Variants in MYL3 observed in about 807,000 individuals in gnomAD.
MYL3 encodes the protein myosin light chain 3, also known as CMLC1.
In MYL3, 11 loss-of-function variants were observed where a neutral mutation model predicts 21.3. The observed-to-expected ratio is 0.52, with a 90% CI of 0.32 to 0.85. The LOEUF (loss-of-function observed/expected upper bound fraction) is 0.85, where lower values mean the gene tolerates loss of function less well. Ranked by LOEUF, MYL3 falls within the 40% of genes least tolerant of loss-of-function variation. The pLI, the probability that MYL3 is intolerant of heterozygous loss-of-function variation, is 0.03. For synonymous variants in MYL3, 88 were observed against 91.6 expected (o/e 0.96, Z 0.22); for missense variants, 206 against 253.3 (o/e 0.81, Z 1.27).
chr3:46,869,159 C>T (rs1375786086), intron 1 of MYL3, among the ~76,000 whole-genome samples: 3 of 152,184 alleles, frequency 2.0e-5, no homozygotes, highest in Non-Finnish European at 4.4e-5. Flanking sequence ...CTGAACTGCC[C>T]TGGACATTCC....
intron 1 of MYL3, among the ~76,000 whole-genome samples, chr3:46,868,909 G>A (rs1434813332): frequency 6.6e-6 from 1 of 152,212 alleles, no homozygotes; most frequent in South Asian, 2.1e-4. Flanking sequence ...ATGGAGTCTC[G>A]GGCTGCCAAG....
At position 46,863,292 on chromosome 3, in the gene MYL3, C is replaced by T. The variant is rs774688582; in HGVS notation, c.99G>A (p.Lys33=). The T allele has an allele frequency of 3.7e-6, 6 of 1,614,058 alleles. No individual in the cohort carries two copies. The African/African-American group carries it at 6.7e-5, about 18-fold the overall frequency. Residue 33 remains lysine, a synonymous_variant, in exon 1 of 7, where the codon AAG becomes AAA. Coordinates refer to ENST00000292327, the MANE Select transcript of MYL3 (RefSeq NM_000258.3). The stretch of plus-strand genomic sequence containing the variant: ...TCTTGGAAGCATCAAACTCGACCTC[C>T]TTAGGGCGCTCAGGCTCAGGGGGAG... ...PAPPPEPERP[K]EVEFDASKIK... is the part of the protein sequence containing the mutation.
At chr3:46,878,587 T>A (rs1350043636) in intron 1 of MYL3, among the ~76,000 whole-genome samples, 1 of 152,186 alleles carries the variant, frequency 6.6e-6, no homozygotes, top group East Asian at 1.9e-4. Flanking sequence ...TGTGAGCCAT[T>A]AGTCCCAGAG....
chr3:46,868,724 C>G (rs1187705100), intron 1 of MYL3, among the ~76,000 whole-genome samples: 1 of 152,208 alleles, frequency 6.6e-6, no homozygotes, highest in Non-Finnish European at 1.5e-5. Context: ...AGGCTTGGTC[C>G]ATTCTGGAAG....
rs573030660 is a variant in MYL3 at position 46,879,547 on chromosome 3, A to G, written c.-218+2527T>C. ...TGCTTGAGCCCAAGAGTTGGAGACC[A>G]GTCTAGGCAACAAAGTGAGACCTCG... is the stretch of plus-strand genomic sequence containing the variant. On this transcript the variant is annotated intron_variant, in intron 1 of 3. Coordinates refer to the MYL3 transcript ENST00000431168. This position sits in a 1 kb window ranked among gnomAD's most constrained non-coding sequence, Gnocchi z 4.7. 6.6e-6 allele frequency among the ~76,000 whole-genome samples: 1 copy of G among 152,030 alleles called. No homozygotes were observed. The highest frequency in any genetic ancestry group is 1.5e-5 in the Non-Finnish European group (1 of 67,978).
Position 46,861,605 on chromosome 3 carries a change from GT to G in MYL3, c.130-619del, listed in dbSNP as rs1559520609. On this transcript the variant is annotated intron_variant, in intron 1 of 6. Transcript: ENST00000292327. The surrounding 1 kb of genome is among the most constrained non-coding windows in gnomAD (Gnocchi z 4.2). ...TACCTATTTCTCACACACCCTGTCCGTAGGTCCCTGGGAAGCTCCCACACCC... is the reference window on the plus strand; with the variant it reads ...TACCTATTTCTCACACACCCTGTCCGAGGTCCCTGGGAAGCTCCCACACCC... Among the ~76,000 whole-genome samples the G allele has an allele frequency of 1.3e-5, 2 of 152,162 alleles. No homozygotes were observed. Among genetic ancestry groups the G allele is most frequent in the African/African-American group, 2.4e-5 (1 of 41,432 alleles).
At chr3:46,871,111 GCAC>G (rs1702105197) in intron 1 of MYL3, among the ~76,000 whole-genome samples, 1 of 152,124 alleles carries the variant, frequency 6.6e-6, no homozygotes, top group Non-Finnish European at 1.5e-5. Flanking sequence ...TACACCTAAT[GCAC>G]CACATCTTTT....
rs1701979658 is a variant in MYL3, at chr3:46,860,567, T to C, written c.307+109A>G. 2.0e-6 allele frequency: 3 copies of C among 1,485,752 alleles called. No individual in the cohort carries two copies. The highest frequency in any genetic ancestry group is 2.4e-5 in the East Asian group (1 of 41,938). The allele number at this position is 1,485,752 out of a possible 1,614,324, so 92.0% of individuals were successfully genotyped here. A position where few individuals can be genotyped will look rare whatever the true frequency, so the allele number is the denominator to read the frequency against. On this transcript the variant is annotated intron_variant, in intron 3 of 6. Coordinates refer to ENST00000292327, the MANE Select transcript of MYL3 (RefSeq NM_000258.3). This position sits in a 1 kb window ranked among gnomAD's most constrained non-coding sequence, Gnocchi z 4.6. The stretch of plus-strand genomic sequence containing the variant: ...GGCCTCGGTGCCCTCATCGGGACAA[T>C]GCGAGATGTCAGGAAAGATTCTCGT...
At chr3:46,864,704 T>G (rs2106916453), upstream of MYL3, among the ~76,000 whole-genome samples, 1 of 152,286 alleles carries the variant, frequency 6.6e-6, no homozygotes, top group South Asian at 2.1e-4. This position sits in a 1 kb window ranked among gnomAD's most constrained non-coding sequence, Gnocchi z 4.7. Context: ...TCTGCCCCAG[T>G]GCAGTGATGC....
intron 1 of MYL3, among the ~76,000 whole-genome samples, chr3:46,880,898 T>G (rs2030516049): frequency 6.6e-6 from 1 of 152,204 alleles, no homozygotes; most frequent in African/African-American, 2.4e-5. Context: ...AGATTTGCAC[T>G]GAGGGTTGGA....
At chr3:46,869,127 C>A (rs770899799) in intron 1 of MYL3, among the ~76,000 whole-genome samples, 21 of 152,154 alleles carry the variant, frequency 1.4e-4, no homozygotes, top group Non-Finnish European at 2.2e-4. Context: ...CCCCTCCCCC[C>A]ACAGCATGGC....
upstream of MYL3, chr3:46,863,477 C>T (rs1702014073): frequency 2.1e-6 from 3 of 1,454,084 alleles, no homozygotes; most frequent in Admixed American, 1.9e-5. Context: ...CTTTATCCTG[C>T]CCGGATACCT....
At chr3:46,868,223 C>T (rs996611571), upstream of MYL3, among the ~76,000 whole-genome samples, 8 of 152,328 alleles carry the variant, frequency 5.3e-5, no homozygotes, top group African/African-American at 1.9e-4. Flanking sequence ...ACTCCCTATG[C>T]TCCTGTGACC....
intron 1 of MYL3, among the ~76,000 whole-genome samples, chr3:46,878,183 AG>A (rs2030344925): frequency 3.3e-5 from 5 of 152,194 alleles, no homozygotes; most frequent in African/African-American, 1.2e-4. Context: ...CTGCAAGGGA[AG>A]GGGGCTACCC....
intron 1 of MYL3, among the ~76,000 whole-genome samples, chr3:46,868,921 G>C (rs1410432657): frequency 6.6e-6 from 1 of 152,258 alleles, no homozygotes; most frequent in Non-Finnish European, 1.5e-5. Context: ...GCTGCCAAGG[G>C]TTTGTGGGAG....
At chr3:46,867,142 C>A, upstream of MYL3, among the ~76,000 whole-genome samples, 1 of 152,036 alleles carries the variant, frequency 6.6e-6, no homozygotes, top group East Asian at 1.9e-4. Context: ...GCACCCAAAC[C>A]CTGACCAAAG....
upstream of MYL3, among the ~76,000 whole-genome samples, chr3:46,865,933 G>T (rs1387093250): frequency 6.6e-6 from 1 of 152,142 alleles, no homozygotes; most frequent in Non-Finnish European, 1.5e-5. This position sits in a 1 kb window ranked among gnomAD's most constrained non-coding sequence, Gnocchi z 4.3. Flanking sequence ...GCATGTCCCT[G>T]CTGGCTTGGG....
intron 1 of MYL3, among the ~76,000 whole-genome samples, chr3:46,870,894 A>T (rs1385324923): frequency 6.6e-6 from 1 of 152,166 alleles, no homozygotes; most frequent in Non-Finnish European, 1.5e-5. Context: ...TGCACTCAGG[A>T]ATCCTGGCCC....
intron 1 of MYL3, among the ~76,000 whole-genome samples, chr3:46,878,384 G>A (rs1167788658): frequency 6.6e-6 from 1 of 152,214 alleles, no homozygotes; most frequent in Non-Finnish European, 1.5e-5. Context: ...TTGAGGGCTG[G>A]GTGGAGGCAC....
Sources: gnomAD v4.1 joint callset for allele counts (sites outside exome capture counted in the v4.1 genomes callset) on GRCh38, gnomAD v4.1.1 for gene constraint, Gnocchi (gnomAD v3.1) non-coding constraint, MANE v1.5 for transcripts, NCBI Gene and HGNC (gene_info 2026-07-23, HGNC 2026-07-21) for gene names.